The following NTRK2 variants were observed in gnomAD, a reference collection of about 807,000 sequenced individuals.
The protein encoded by NTRK2 is neurotrophic receptor tyrosine kinase 2.
NTRK2 carries 13 observed loss-of-function variants against 94.5 expected under a neutral mutation model. The observed-to-expected ratio is 0.14, with a 90% confidence interval of 0.09 to 0.22. The LOEUF (loss-of-function observed/expected upper bound fraction) is 0.22, where lower values mean the gene tolerates loss of function less well. Among genes scored for constraint, NTRK2 ranks in the 10% least tolerant of loss-of-function variants. The pLI, the probability that NTRK2 is intolerant of heterozygous loss-of-function variation, is 1.00. For synonymous variants in NTRK2, 372 were observed against 407.4 expected, an observed-to-expected ratio of 0.91 and a Z score of 1.05; for missense variants, 639 against 1,071.2, an observed-to-expected ratio of 0.60 and a Z score of 5.63.
At chr9:84,803,810 C>T (rs942480913) in intron 12 of NTRK2, among the ~76,000 whole-genome samples, 6 of 152,268 alleles carry the variant, frequency 3.9e-5, no homozygotes, top group Admixed American at 1.3e-4. Flanking sequence ...TTTCGCATTC[C>T]GGAATACTTG....
intron 12 of NTRK2, among the ~76,000 whole-genome samples, chr9:84,850,798 TAGAA>T: frequency 6.6e-6 from 1 of 152,146 alleles, no homozygotes; most frequent in South Asian, 2.1e-4. Flanking sequence ...TTGGGAGCAG[TAGAA>T]AGAAATGACG....
intron 12 of NTRK2, among the ~76,000 whole-genome samples, chr9:84,852,983 A>G (rs2074854601): frequency 6.7e-6 from 1 of 148,738 alleles, no homozygotes; most frequent in East Asian, 2.0e-4. Flanking sequence ...TTCAATAAAT[A>G]CTGTTTTTTT....
At chr9:84,792,183 A>C (rs1457806640) in intron 12 of NTRK2, among the ~76,000 whole-genome samples, 1 of 152,224 alleles carries the variant, frequency 6.6e-6, no homozygotes, top group Non-Finnish European at 1.5e-5. Flanking sequence ...CCCAATTTTC[A>C]GTAGATCATG....
intron 15 of NTRK2, among the ~76,000 whole-genome samples, chr9:84,944,593 C>T (rs1013001171): frequency 6.6e-6 from 1 of 152,214 alleles, no homozygotes; most frequent in Non-Finnish European, 1.5e-5. Flanking sequence ...CTCAGTGACT[C>T]AGACCATCCT....
intron 17 of NTRK2, among the ~76,000 whole-genome samples, chr9:84,971,530 C>T (rs1053241774): frequency 2.6e-5 from 4 of 152,158 alleles, no homozygotes; most frequent in Non-Finnish European, 4.4e-5. Flanking sequence ...AGGAAGGCCC[C>T]GTGGCAAGAG....
chr9:84,897,214 G>A (rs1329900108), intron 14 of NTRK2, among the ~76,000 whole-genome samples: 1 of 152,076 alleles, frequency 6.6e-6, no homozygotes, highest in Non-Finnish European at 1.5e-5. Flanking sequence ...TCCACTCACT[G>A]CAACGTCCGA....
chr9:84,767,182 T>C (rs1414224634), intron 12 of NTRK2, among the ~76,000 whole-genome samples: 1 of 152,210 alleles, frequency 6.6e-6, no homozygotes, highest in Non-Finnish European at 1.5e-5. Flanking sequence ...AAGGCTAATA[T>C]AATTTGAGTA....
chr9:84,939,777 C>A (rs2132783123), intron 15 of NTRK2, among the ~76,000 whole-genome samples: 1 of 152,230 alleles, frequency 6.6e-6, no homozygotes, highest in African/African-American at 2.4e-5. Flanking sequence ...GAAAACCTAC[C>A]TATGGGTATC....
chr9:84,946,926 T>C (rs2078617339), intron 15 of NTRK2, among the ~76,000 whole-genome samples: 1 of 152,184 alleles, frequency 6.6e-6, no homozygotes, highest in Non-Finnish European at 1.5e-5. Context: ...TTCTCCTCTC[T>C]GATCTTCTGT....
intron 12 of NTRK2, among the ~76,000 whole-genome samples, chr9:84,752,413 G>A (rs527747143): frequency 6.6e-6 from 1 of 152,300 alleles, no homozygotes; most frequent in East Asian, 1.9e-4. Context: ...GTGGGGATAG[G>A]ATAACCTGGA....
chr9:84,944,213 T>TCACACACACACACA (rs1238064532), intron 15 of NTRK2, among the ~76,000 whole-genome samples: 51 of 136,884 alleles, frequency 3.7e-4, no homozygotes, highest in Middle Eastern at 3.7e-3. Flanking sequence ...TCTCTCTCTC[T>TCACACACACACACA]CTCACACACA....
chr9:84,793,101 G>T (rs2068898146), intron 12 of NTRK2, among the ~76,000 whole-genome samples: 1 of 151,596 alleles, frequency 6.6e-6, no homozygotes, highest in African/African-American at 2.4e-5. Flanking sequence ...GTACGTGTGT[G>T]TTGGTGGGGG....
chr9:84,944,897 T>C (rs1042218459), intron 15 of NTRK2, among the ~76,000 whole-genome samples: 1 of 152,268 alleles, frequency 6.6e-6, no homozygotes, highest in South Asian at 2.1e-4. Context: ...TGCATCATTA[T>C]CCTTGTGTCC....
At chr9:84,792,660 T>C (rs2068850700) in intron 12 of NTRK2, among the ~76,000 whole-genome samples, 1 of 152,206 alleles carries the variant, frequency 6.6e-6, no homozygotes, top group Non-Finnish European at 1.5e-5. Flanking sequence ...CTAATACATA[T>C]ACTGAGGCAC....
intron 14 of NTRK2, among the ~76,000 whole-genome samples, chr9:84,930,143 G>A (rs1279898708): frequency 6.6e-6 from 1 of 152,188 alleles, no homozygotes. Context: ...GTGAATCAGG[G>A]CATTGCTTCC....
intron 8 of NTRK2, among the ~76,000 whole-genome samples, chr9:84,725,996 C>T (rs563429359): frequency 6.6e-6 from 1 of 152,098 alleles, no homozygotes; most frequent in Admixed American, 6.6e-5. Context: ...TTTGCTTCTT[C>T]CTAGGTAGTA....
intron 16 of NTRK2, among the ~76,000 whole-genome samples, chr9:84,949,225 A>C (rs2078696302): frequency 6.6e-6 from 1 of 152,236 alleles, no homozygotes; most frequent in Non-Finnish European, 1.5e-5. Context: ...GAAAAGCTTC[A>C]GAAGGAAGGA....
At chr9:84,952,463 C>G (rs1823591088) in intron 16 of NTRK2, among the ~76,000 whole-genome samples, 1 of 152,102 alleles carries the variant, frequency 6.6e-6, no homozygotes, top group Non-Finnish European at 1.5e-5. Context: ...ATTTTTTTAC[C>G]TCTTAAGGAA....
intron 17 of NTRK2, 43 bp downstream of exon 17, chr9:84,955,560 C>G: frequency 6.7e-7 from 1 of 1,487,978 alleles, no homozygotes. Context: ...ACCTCTTTCC[C>G]TGCGGGACCC....
Sources: allele counts gnomAD v4.1 joint callset (sites outside exome capture counted in the v4.1 genomes callset), GRCh38; gene constraint gnomAD v4.1.1; transcripts MANE v1.5; gene names NCBI Gene and HGNC (gene_info 2026-07-23, HGNC 2026-07-21).